The following LCOR variants were observed in gnomAD, a reference collection of about 807,000 sequenced individuals.
The protein encoded by LCOR is ligand dependent nuclear receptor corepressor.
LCOR carries 14 observed loss-of-function variants against 64.4 expected under a neutral mutation model. That is an observed-to-expected ratio of 0.22 (90% confidence interval 0.14 to 0.34). The LOEUF (loss-of-function observed/expected upper bound fraction) is 0.34, where lower values mean the gene tolerates loss of function less well. LCOR is among the 10% of genes least tolerant of loss of function. LCOR has a pLI of 1.00. For missense variants in LCOR, 1,686 were observed against 1,765.3 expected (o/e 0.96, Z 0.80); for synonymous variants, 643 against 642.5 (o/e 1.00, Z -0.01).
At chr10:96,971,028 G>A (rs2134554605) in intron 7 of LCOR, among the ~76,000 whole-genome samples, 1 of 152,282 alleles carries the variant, frequency 6.6e-6, no homozygotes. Flanking sequence ...ATACAAATTG[G>A]AATGTGTGTA....
At chr10:96,913,197 C>T (rs1846875444) in intron 4 of LCOR, among the ~76,000 whole-genome samples, 2 of 152,084 alleles carry the variant, frequency 1.3e-5, no homozygotes. Flanking sequence ...GGTGTCGGTA[C>T]TAGGTGTATG....
chr10:96,981,309 C>T lies in LCOR; in HGVS notation c.849C>T (p.His283=), dbSNP rs1177145590. ...ATTGTTCCTCAGTGAACTTCCACCA[C>T]ATCCCTAAAATCTTGGAGGGGCAGA... ...ASNCSSVNFH[H]IPKILEGQTT... The change falls in exon 8 of 8, where the codon CAC becomes CAT. Residue 283 remains histidine (H), a synonymous_variant. Coordinates refer to ENST00000421806, the MANE Select transcript of LCOR (RefSeq NM_001346516.2). 2 of 1,565,016 alleles carry T rather than the reference C, an allele frequency of 1.3e-6. No individual in the cohort carries two copies. The highest frequency in any genetic ancestry group is 1.1e-5 in the South Asian group (1 of 89,500).
chr10:96,979,866 G>T (rs922694554), intron 7 of LCOR, among the ~76,000 whole-genome samples: 1 of 152,242 alleles, frequency 6.6e-6, no homozygotes, highest in Non-Finnish European at 1.5e-5. Context: ...GTTCTCAGCC[G>T]AGTGCGGCGG....
intron 7 of LCOR, among the ~76,000 whole-genome samples, chr10:96,966,223 T>A (rs1485089031): frequency 1.7e-5 from 2 of 116,976 alleles, no homozygotes; most frequent in Non-Finnish European, 3.6e-5. Flanking sequence ...AAGGACTCTT[T>A]TTTTTTTTTT....
chr10:96,926,145 A>T (rs1440397436), intron 4 of LCOR, among the ~76,000 whole-genome samples: 2 of 152,178 alleles, frequency 1.3e-5, no homozygotes, highest in Admixed American at 1.3e-4. Context: ...TTTGGTGAGG[A>T]ATTGTTGATA....
chr10:96,881,436 A>G (rs1232938749), intron 2 of LCOR, among the ~76,000 whole-genome samples: 1 of 151,592 alleles, frequency 6.6e-6, no homozygotes, highest in Non-Finnish European at 1.5e-5. Flanking sequence ...TTGTGATATA[A>G]AGAGATTTTT....
At chr10:96,892,585 C>T (rs1846464686) in intron 2 of LCOR, among the ~76,000 whole-genome samples, 1 of 152,054 alleles carries the variant, frequency 6.6e-6, no homozygotes, top group South Asian at 2.1e-4. Context: ...GCACTAATCC[C>T]ATTTATGAGG....
chr10:96,863,925 A>T (rs1478712239), intron 2 of LCOR, among the ~76,000 whole-genome samples: 1 of 152,064 alleles, frequency 6.6e-6, no homozygotes, highest in Admixed American at 6.6e-5. Context: ...ATCAGTTAGC[A>T]TTATGTTTAC....
intron 7 of LCOR, chr10:96,956,399 G>T: frequency 1.0e-6 from 1 of 985,050 alleles, no homozygotes; most frequent in African/African-American, 1.7e-5. Flanking sequence ...TTTCATCTAC[G>T]ATTCAACTAA....
intron 2 of LCOR, among the ~76,000 whole-genome samples, chr10:96,866,875 C>T (rs900703913): frequency 5.3e-5 from 8 of 152,070 alleles, no homozygotes; most frequent in Non-Finnish European, 7.4e-5. Flanking sequence ...CGTGCCCAGC[C>T]CCAAACAATT....
chr10:96,960,128 A>G (rs1471706351), intron 7 of LCOR: 1 of 152,194 alleles, frequency 6.6e-6, no homozygotes, highest in Non-Finnish European at 1.5e-5. Flanking sequence ...CTACCTGTTA[A>G]CACCAATATC....
At chr10:96,837,338 C>T (rs1485987010) in intron 2 of LCOR, among the ~76,000 whole-genome samples, 1 of 151,998 alleles carries the variant, frequency 6.6e-6, no homozygotes, top group Non-Finnish European at 1.5e-5. Flanking sequence ...CTCACTGCAA[C>T]CTCCACCTCC....
intron 4 of LCOR, among the ~76,000 whole-genome samples, chr10:96,916,541 G>A (rs1172331249): frequency 6.7e-6 from 1 of 148,864 alleles, no homozygotes; most frequent in African/African-American, 2.5e-5. Flanking sequence ...TTTCAATATA[G>A]TTTCTATCAA....
In LCOR at chr10:96,985,025, C is replaced by G; in HGVS notation, c.4565C>G (p.Ala1522Gly). 1 of 1,614,150 alleles carries G rather than the reference C, an allele frequency of 6.2e-7. No individual in the cohort carries two copies. Among genetic ancestry groups the G allele is most frequent in the Non-Finnish European group, 8.5e-7 (1 of 1,180,038 alleles). The change falls in exon 8 of 8, where the codon GCC (alanine) becomes GGC (glycine). Residue 1522 changes from alanine to glycine, a missense_variant. Coordinates refer to ENST00000421806, the MANE Select transcript of LCOR (RefSeq NM_001346516.2). ...NRKQSSGKTRARPSTKTPESS... is the reference protein window; with the variant it reads ...NRKQSSGKTRGRPSTKTPESS... ...AAGCAGAGTAGTGGAAAGACTCGGGCCAGACCCTCAACGAAAACCCCAGAG... is the reference window on the plus strand; with the variant it reads ...AAGCAGAGTAGTGGAAAGACTCGGGGCAGACCCTCAACGAAAACCCCAGAG...
chr10:96,929,813 C>G (rs1474018399), intron 4 of LCOR, among the ~76,000 whole-genome samples: 1 of 152,140 alleles, frequency 6.6e-6, no homozygotes, highest in East Asian at 1.9e-4. Context: ...CACTTGAACA[C>G]TAGAGGTCAT....
chr10:96,992,981 C>G lies in LCOR; in HGVS notation c.*7847C>G, dbSNP rs1479508643. On this transcript the variant is annotated 3_prime_UTR_variant, in exon 8 of 8. Coordinates refer to ENST00000421806, the MANE Select transcript of LCOR (RefSeq NM_001346516.2). ...GCATCTGTGCAGATGTGGGCCAGTC[C>G]CCCTGTAACCAGTGGTTACAGAATG... The G allele has an allele frequency of 6.6e-6, 1 of 152,228 alleles. No homozygotes were observed. The highest frequency in any genetic ancestry group is 1.5e-5 in the Non-Finnish European group (1 of 68,074). 9.4% of individuals were successfully genotyped at this position (152,228 alleles called of 1,614,324 possible).
intron 2 of LCOR, among the ~76,000 whole-genome samples, chr10:96,901,829 G>A (rs1306691242): frequency 1.3e-5 from 2 of 152,068 alleles, no homozygotes; most frequent in Admixed American, 6.6e-5. Context: ...GAGTGCGGTG[G>A]CGCAATCTCG....
chr10:96,977,433 T>G (rs773941046), intron 7 of LCOR, among the ~76,000 whole-genome samples: 1 of 152,162 alleles, frequency 6.6e-6, no homozygotes, highest in Non-Finnish European at 1.5e-5. Context: ...TCTAGTATAA[T>G]AAAAATAATA....
At chr10:96,917,554 T>A (rs1316157975) in intron 4 of LCOR, among the ~76,000 whole-genome samples, 1 of 152,236 alleles carries the variant, frequency 6.6e-6, no homozygotes, top group Non-Finnish European at 1.5e-5. Context: ...ACACTGGAGT[T>A]GCTTAATCTA....
Sources: allele counts gnomAD v4.1 joint callset (sites outside exome capture counted in the v4.1 genomes callset), GRCh38; gene constraint gnomAD v4.1.1; transcripts MANE v1.5; gene names NCBI Gene and HGNC (gene_info 2026-07-23, HGNC 2026-07-21).